ABHD17B: variants seen among roughly 807,000 people sequenced by gnomAD.
ABHD17B encodes abhydrolase domain containing 17B, depalmitoylase, also known as alpha/beta hydrolase domain-containing protein 17B.
ABHD17B carries 9 observed loss-of-function variants against 26.2 expected under a neutral mutation model. That is an observed-to-expected ratio of 0.34 (90% CI 0.21 to 0.60). The LOEUF is 0.60. Among genes scored for constraint, ABHD17B ranks in the 20% least tolerant of loss-of-function variants. ABHD17B has a pLI of 0.80. For missense variants in ABHD17B, 224 were observed against 352.1 expected (o/e 0.64, Z 2.91); for synonymous variants, 127 against 122.3 (o/e 1.04, Z -0.25).
At chr9:71,906,097 C>T (rs1202469176) in intron 1 of ABHD17B, among the ~76,000 whole-genome samples, 3 of 151,962 alleles carry the variant, frequency 2.0e-5, no homozygotes, top group Non-Finnish European at 4.4e-5. Flanking sequence ...TAGTGCTGCT[C>T]CATGCCTCAT....
In ABHD17B at chr9:71,865,697, C is replaced by T. The variant is rs1825938212; in HGVS notation, c.*1090G>A. Reference sequence around the variant, plus strand: ...TCAACATGGCAAAACCCTGTCTCTACTAAAAATACAAAAATTAGCCAGGCG... The same window carrying T: ...TCAACATGGCAAAACCCTGTCTCTATTAAAAATACAAAAATTAGCCAGGCG... On this transcript the variant is annotated 3_prime_UTR_variant, in exon 4 of 4. Transcript: ENST00000333421. The T allele has an allele frequency of 3.0e-6, 2 of 657,236 alleles. No individual in the cohort carries two copies. Among genetic ancestry groups the T allele is most frequent in the South Asian group, 6.8e-5 (1 of 14,632 alleles). The allele number at this position is 657,236 out of a possible 1,614,324, so 40.7% of individuals were successfully genotyped here. A position where few individuals can be genotyped will look rare whatever the true frequency, so the allele number is the denominator to read the frequency against.
intron 1 of ABHD17B, among the ~76,000 whole-genome samples, chr9:71,905,975 G>A (rs1032425410): frequency 9.2e-5 from 14 of 152,110 alleles, no homozygotes; most frequent in East Asian, 5.8e-4. Context: ...TGAGCTTGGC[G>A]GGGGTCGAGG....
At chr9:71,899,310 G>T (rs1827062996) in intron 1 of ABHD17B, among the ~76,000 whole-genome samples, 2 of 152,188 alleles carry the variant, frequency 1.3e-5, no homozygotes, top group Admixed American at 1.3e-4. Context: ...AGCAGAAGAG[G>T]TTTGTAAAAA....
intron 1 of ABHD17B, among the ~76,000 whole-genome samples, chr9:71,880,684 A>G (rs932928742): frequency 1.3e-5 from 2 of 152,110 alleles, no homozygotes; most frequent in African/African-American, 2.4e-5. Flanking sequence ...TAGTTAAAAA[A>G]ATTATAAATA....
chr9:71,896,681 AACACACAC>A (rs147044015), intron 1 of ABHD17B, among the ~76,000 whole-genome samples: 48 of 147,704 alleles, frequency 3.2e-4, no homozygotes, highest in African/African-American at 4.5e-4. Flanking sequence ...CTTCTACCAA[AACACACAC>A]ACACACACAC....
chr9:71,863,328 A>G (rs913199273), downstream of ABHD17B, among the ~76,000 whole-genome samples: 1 of 152,212 alleles, frequency 6.6e-6, no homozygotes, highest in African/African-American at 2.4e-5. Flanking sequence ...TGTAAGGGAT[A>G]TTATTATTCA....
chr9:71,897,817 G>A (rs999073342), intron 1 of ABHD17B, among the ~76,000 whole-genome samples: 13 of 152,006 alleles, frequency 8.6e-5, no homozygotes, highest in Non-Finnish European at 1.3e-4. Flanking sequence ...CTTTTCCTCT[G>A]GCTGCAGCTG....
rs1392732416 is a variant in ABHD17B at position 71,911,124 on chromosome 9, G to C, written c.-494C>G. Among the ~76,000 whole-genome samples, 1 of 152,138 alleles carries C rather than the reference G, an allele frequency of 6.6e-6. No individual in the cohort carries two copies. The highest frequency in any genetic ancestry group is 2.4e-5 in the African/African-American group (1 of 41,446). On this transcript the variant is annotated 5_prime_UTR_variant, in exon 1 of 4. Transcript: ENST00000333421. The stretch of plus-strand genomic sequence containing the variant: ...CAAGCGCGAGGCTCGTTCCGGTAGC[G>C]GGAGGAAGACTGGAGGGGAACGGAG...
At chr9:71,888,737 C>A (rs552880885) in intron 1 of ABHD17B, among the ~76,000 whole-genome samples, 9 of 152,066 alleles carry the variant, frequency 5.9e-5, no homozygotes, top group African/African-American at 2.2e-4. Flanking sequence ...GTCAATACAG[C>A]ATATGAGCAT....
At chr9:71,862,747 A>G, downstream of ABHD17B, 1 of 577,900 alleles carries the variant, frequency 1.7e-6, no homozygotes, top group Non-Finnish European at 3.1e-6. Context: ...CACTATTTAC[A>G]TGATAATTGC....
In ABHD17B at chr9:71,879,219, GAT is replaced by G. The variant is rs140003428; in HGVS notation, c.-3-4138_-3-4137del. Among the ~76,000 whole-genome samples the G allele has an allele frequency of 1.0e-3, 153 of 152,250 alleles. 1 individual carries two copies. The East Asian group carries it at 0.025, about 25-fold the overall frequency. The stretch of plus-strand genomic sequence containing the variant: ...CAAGGGACTTCTATGAGATATCTGA[GAT>G]ATGAGAAATAAAGGAGAATAGTTAA... On this transcript the variant is annotated intron_variant, in intron 1 of 3. Coordinates refer to ENST00000333421, the MANE Select transcript of ABHD17B (RefSeq NM_001025780.3).
intron 2 of ABHD17B, among the ~76,000 whole-genome samples, chr9:71,872,695 G>A (rs1045040857): frequency 2.0e-5 from 3 of 151,898 alleles, no homozygotes; most frequent in East Asian, 1.9e-4. Flanking sequence ...GTTGTTATAC[G>A]TTATTCAACT....
intron 1 of ABHD17B, among the ~76,000 whole-genome samples, chr9:71,906,518 T>C (rs1568789): frequency 0.81 from 123,348 of 152,118 alleles, 50,883 homozygotes; most frequent in East Asian, 0.93. Flanking sequence ...CTTGATAAAA[T>C]ACAGCATCTG....
intron 1 of ABHD17B, among the ~76,000 whole-genome samples, chr9:71,878,274 G>T (rs879245467): frequency 2.6e-5 from 4 of 152,112 alleles, no homozygotes; most frequent in Admixed American, 2.6e-4. Flanking sequence ...TGAGCTAAAA[G>T]ATCAGGTTGA....
At chr9:71,889,293 G>A (rs1369864550) in intron 1 of ABHD17B, among the ~76,000 whole-genome samples, 2 of 148,416 alleles carry the variant, frequency 1.3e-5, no homozygotes, top group Non-Finnish European at 3.0e-5. Context: ...CTCCAGCCTG[G>A]ACGACAGTGC....
At chr9:71,863,788 G>A (rs1053550660), downstream of ABHD17B, among the ~76,000 whole-genome samples, 8 of 152,164 alleles carry the variant, frequency 5.3e-5, no homozygotes, top group African/African-American at 1.9e-4. Context: ...CATTGTACAT[G>A]CCTCTCAAAT....
At position 71,870,181 on chromosome 9, in the gene ABHD17B, A is replaced by G. The variant is rs1162161729; in HGVS notation, c.549T>C (p.Tyr183=). The G allele has an allele frequency of 6.2e-7, 1 of 1,613,998 alleles. No homozygotes were observed. The stretch of plus-strand genomic sequence containing the variant: ...AATGAAGAATAACAGCAGCACTCTC[A>G]TATCGAGCAGCAAGATCCACAGACG... ...TVPSVDLAAR[Y]ESAAVILHSP... Residue 183 remains tyrosine, a synonymous_variant, in exon 3 of 4, where the codon TAT becomes TAC. Coordinates refer to ENST00000333421, the MANE Select transcript of ABHD17B (RefSeq NM_001025780.3).
chr9:71,884,369 T>C lies in ABHD17B; in HGVS notation c.-3-9286A>G, dbSNP rs141682683. ...ATTTGTGTCAGGGCCTGAGATGCAATATAGGTTCCATAACTGGGGAAATGA... is the reference window on the plus strand; with the variant it reads ...ATTTGTGTCAGGGCCTGAGATGCAACATAGGTTCCATAACTGGGGAAATGA... On this transcript the variant is annotated intron_variant, in intron 1 of 3. Transcript: ENST00000333421. Among the ~76,000 whole-genome samples, 15 of 152,230 alleles carry C rather than the reference T, an allele frequency of 9.9e-5. No individual in the cohort carries two copies. In the East Asian group the frequency reaches 2.7e-3, roughly 27 times the overall value.
chr9:71,869,707 C>G (rs1272833256), intron 3 of ABHD17B, among the ~76,000 whole-genome samples: 1 of 152,156 alleles, frequency 6.6e-6, no homozygotes, highest in African/African-American at 2.4e-5. Flanking sequence ...CTGGATGGCC[C>G]TATCCATTAG....
Sources: gnomAD v4.1 joint callset for allele counts (sites outside exome capture counted in the v4.1 genomes callset) on GRCh38, gnomAD v4.1.1 for gene constraint, MANE v1.5 for transcripts, NCBI Gene and HGNC (gene_info 2026-07-23, HGNC 2026-07-21) for gene names.